The following ZFYVE26 variants were observed in gnomAD, a reference collection of about 807,000 sequenced individuals.
The protein encoded by ZFYVE26 is zinc finger FYVE domain-containing protein 26.
ZFYVE26 carries 181 observed loss-of-function variants against 276.5 expected under a neutral mutation model. The observed-to-expected ratio is 0.65, with a 90% CI of 0.58 to 0.74. The LOEUF (loss-of-function observed/expected upper bound fraction) is 0.74, where lower values mean the gene tolerates loss of function less well. ZFYVE26 is among the 30% of genes least tolerant of loss of function. ZFYVE26 has a pLI of 0.00. For synonymous variants in ZFYVE26, 1,129 were observed against 1,203.1 expected (o/e 0.94, Z 1.27); for missense variants, 2,821 against 3,097.9 (o/e 0.91, Z 2.12).
chr14:67,761,147 C>A, intron 35 of ZFYVE26: 1 of 671,434 alleles, frequency 1.5e-6, no homozygotes. Flanking sequence ...CATGCCTTTG[C>A]TGGTGAGGGC....
Position 67,773,551 on chromosome 14 carries a change from G to A in ZFYVE26, c.5321-1341C>T, listed in dbSNP as rs78054427. Among the ~76,000 whole-genome samples the A allele has an allele frequency of 5.6e-5, 7 of 125,884 alleles. 1 individual carries two copies. The highest frequency in any genetic ancestry group is 5.5e-5 in the African/African-American group (2 of 36,384). The allele number at this position is 125,884 out of a possible 152,430, so 82.6% of individuals were successfully genotyped here. Reference sequence around the variant, plus strand: ...CCTGTCTCCAAAAAAAAAAAAAAAGGCGCACACACACACACACACACCCCA... The same window carrying A: ...CCTGTCTCCAAAAAAAAAAAAAAAGACGCACACACACACACACACACCCCA... On this transcript the variant is annotated intron_variant, in intron 27 of 41. Transcript: ENST00000347230.
Position 67,733,116 on chromosome 14 carries a change from TATA to T in ZFYVE26, n.2680-3300_2680-3298del, listed in dbSNP as rs530351097. On this transcript the variant is annotated intron_variant and non_coding_transcript_variant, in intron 13 of 14. Transcript: ENST00000394455. The stretch of plus-strand genomic sequence containing the variant: ...TGCACATGTACCCTAAAACTTAAAG[TATA>T]ATAATAATAAAATTAAAAAAAACAA... Among the ~76,000 whole-genome samples the T allele has an allele frequency of 3.3e-3, 463 of 138,916 alleles. 2 individuals are homozygous for T. The highest frequency in any genetic ancestry group is 6.0e-3 in the Non-Finnish European group (375 of 62,284). 91.1% of individuals were successfully genotyped at this position (138,916 alleles called of 152,430 possible). A position where few individuals can be genotyped will look rare whatever the true frequency, so the allele number is the denominator to read the frequency against.
downstream of ZFYVE26, among the ~76,000 whole-genome samples, chr14:67,744,924 T>C (rs1308701662): frequency 2.6e-5 from 4 of 152,246 alleles, no homozygotes; most frequent in African/African-American, 9.6e-5. Context: ...TTTGGGTATA[T>C]ACCCAGTAAT....
At chr14:67,801,412 C>T (rs758284046) in intron 10 of ZFYVE26, among the ~76,000 whole-genome samples, 3 of 152,162 alleles carry the variant, frequency 2.0e-5, no homozygotes, top group Non-Finnish European at 4.4e-5. Flanking sequence ...TCTATTTCCA[C>T]TTATTTTTAC....
intron 2 of ZFYVE26, among the ~76,000 whole-genome samples, chr14:67,815,106 T>C (rs1030498284): frequency 6.6e-6 from 1 of 152,216 alleles, no homozygotes; most frequent in Non-Finnish European, 1.5e-5. Flanking sequence ...AATTCTTTTG[T>C]GGTAATGGAA....
chr14:67,768,424 T>C, intron 30 of ZFYVE26, 93 bp downstream of exon 30: 1 of 1,409,182 alleles, frequency 7.1e-7, no homozygotes, highest in South Asian at 1.2e-5. Context: ...GTGCATAAGT[T>C]GGACAAGTAT....
At chr14:67,789,223 A>C in intron 16 of ZFYVE26, 112 bp downstream of exon 16, 1 of 1,463,946 alleles carries the variant, frequency 6.8e-7, no homozygotes, top group South Asian at 1.1e-5. Flanking sequence ...TTCATAATCC[A>C]TTCACCATCT....
At chr14:67,786,058 T>C (rs2039647188) in intron 17 of ZFYVE26, 36 bp from the exon 18 acceptor site, 4 of 1,614,020 alleles carry the variant, frequency 2.5e-6, no homozygotes, top group East Asian at 4.5e-5. Flanking sequence ...AAGTAAAGTC[T>C]GTTGCTGACC....
At chr14:67,806,337 G>T (rs868272347) in intron 6 of ZFYVE26, among the ~76,000 whole-genome samples, 7 of 152,188 alleles carry the variant, frequency 4.6e-5, no homozygotes, top group South Asian at 2.1e-4. Context: ...CCAAAGGACC[G>T]ATGTAAAATG....
At position 67,746,645 on chromosome 14, in the gene ZFYVE26, C is replaced by T. The variant is rs559089504; in HGVS notation, c.*1791G>A. ...AGCGTGGTGTTCAAAGGCTTTTAGC[C>T]TCATCTCATATCAGTCTAGTCAGTG... is the stretch of plus-strand genomic sequence containing the variant. On this transcript the variant is annotated 3_prime_UTR_variant, in exon 42 of 42. Transcript: ENST00000347230. The T allele has an allele frequency of 6.6e-6, 1 of 152,388 alleles. No individual in the cohort carries two copies. Among genetic ancestry groups the T allele is most frequent in the East Asian group, 1.9e-4 (1 of 5,180 alleles). 9.4% of individuals were successfully genotyped at this position (152,388 alleles called of 1,614,324 possible).
Position 67,735,051 on chromosome 14 carries a change from C to T in ZFYVE26, n.2680-5232G>A. 4 of 677,648 alleles carry T rather than the reference C, an allele frequency of 5.9e-6. No homozygotes were observed. In the East Asian group the frequency reaches 8.0e-5, roughly 14 times the overall value. The allele number at this position is 677,648 out of a possible 1,614,324, so 42.0% of individuals were successfully genotyped here. On this transcript the variant is annotated intron_variant and non_coding_transcript_variant, in intron 13 of 14. Transcript: ENST00000394455. ...ATCATATCCCAGATTATTAGATGCA[C>T]TTACAACCAACAGCAAATGACACCA... is the stretch of plus-strand genomic sequence containing the variant.
chr14:67,781,288 AGAGT>A (rs1566880957), intron 22 of ZFYVE26, 41 bp downstream of exon 22: 3 of 1,604,784 alleles, frequency 1.9e-6, no homozygotes, highest in Non-Finnish European at 2.6e-6. Context: ...GGTTGATCAT[AGAGT>A]GAGAAGCCCG....
chr14:67,786,428 G>T (rs943638260), intron 16 of ZFYVE26, among the ~76,000 whole-genome samples, 195 bp from the exon 17 acceptor site: 2 of 152,152 alleles, frequency 1.3e-5, no homozygotes, highest in Non-Finnish European at 2.9e-5. Flanking sequence ...ACTGACTCTG[G>T]CAAGATGCCT....
intron 24 of ZFYVE26, 102 bp downstream of exon 24, chr14:67,778,024 T>G: frequency 2.0e-6 from 3 of 1,521,182 alleles, no homozygotes; most frequent in Non-Finnish European, 2.7e-6. Flanking sequence ...AGAAGAGGCA[T>G]AGCTGAGATT....
chr14:67,793,679 T>G lies in ZFYVE26; in HGVS notation c.2482A>C (p.Met828Leu). 1 of 1,613,834 alleles carries G rather than the reference T, an allele frequency of 6.2e-7. No homozygotes were observed. The highest frequency in any genetic ancestry group is 8.5e-7 in the Non-Finnish European group (1 of 1,179,866). ...HPHPQSSLIP[M>L]MFSPPESLLA... ...AGTGACTCAGGTGGGGAGAACATCA[T>G]GGGGATGAGTGAACTTTGAGGATGG... Residue 828 changes from methionine (M) to leucine (L), a missense_variant, in exon 14 of 42, where the codon ATG becomes CTG. Physicochemically the swap from Met to Leu is conservative, Grantham distance 15. Coordinates refer to ENST00000347230, the MANE Select transcript of ZFYVE26 (RefSeq NM_015346.4).
At chr14:67,768,902 T>C (rs1256803180) in intron 29 of ZFYVE26, among the ~76,000 whole-genome samples, 2 of 152,148 alleles carry the variant, frequency 1.3e-5, no homozygotes, top group South Asian at 2.1e-4. Flanking sequence ...TGGAGGAGAA[T>C]AGAAAATCTA....
At chr14:67,742,655 G>T (rs1210680820), downstream of ZFYVE26, among the ~76,000 whole-genome samples, 2 of 152,122 alleles carry the variant, frequency 1.3e-5, no homozygotes, top group South Asian at 2.1e-4. Context: ...GAAGGGACAG[G>T]TTCTTCTGGC....
At chr14:67,793,332 C>G (rs1279632384) in intron 14 of ZFYVE26, among the ~76,000 whole-genome samples, 1 of 152,110 alleles carries the variant, frequency 6.6e-6, no homozygotes. Flanking sequence ...AGGAGAGAAA[C>G]AAAAGTTTCC....
At chr14:67,737,642 G>A (rs1337708950) in intron 13 of ZFYVE26, among the ~76,000 whole-genome samples, 1 of 152,194 alleles carries the variant, frequency 6.6e-6, no homozygotes, top group Non-Finnish European at 1.5e-5. Context: ...GTGCAACACA[G>A]CATCTGCTGC....
Sources: gnomAD v4.1 joint callset for allele counts (sites outside exome capture counted in the v4.1 genomes callset) on GRCh38, gnomAD v4.1.1 for gene constraint, MANE v1.5 for transcripts, NCBI Gene and HGNC (gene_info 2026-07-23, HGNC 2026-07-21) for gene names.